Variants in EYS observed in about 807,000 individuals in gnomAD.
EYS encodes protein eyes shut homolog.
A neutral mutation model predicts 282.1 loss-of-function variants in EYS; 250 were observed. That is an observed-to-expected ratio of 0.89 (90% CI 0.80 to 0.98). The LOEUF is 0.98. EYS is among the 50% of genes least tolerant of loss of function. The probability of loss-of-function intolerance (pLI) is 0.00; values close to 1 mark genes in which losing one functional copy is unlikely to be tolerated. For missense variants in EYS, 4,016 were observed against 3,709.0 expected (o/e 1.08, Z -2.15); for synonymous variants, 1,355 against 1,282.9 (o/e 1.06, Z -1.20).
intron 1 of EYS, among the ~76,000 whole-genome samples, chr6:65,687,738 A>G (rs940621999): frequency 2.0e-5 from 3 of 152,184 alleles, no homozygotes; most frequent in Non-Finnish European, 2.9e-5. Context: ...GCAAAGTCTC[A>G]GGATACAAAA....
chr6:64,599,362 G>C (rs1766691718), intron 24 of EYS, among the ~76,000 whole-genome samples: 1 of 152,166 alleles, frequency 6.6e-6, no homozygotes, highest in Admixed American at 6.5e-5. Flanking sequence ...TTTGTATTCA[G>C]GGTATACGTG....
At chr6:65,317,895 T>C (rs1255816491) in intron 11 of EYS, among the ~76,000 whole-genome samples, 2 of 136,186 alleles carry the variant, frequency 1.5e-5, no homozygotes, top group African/African-American at 2.9e-5. Flanking sequence ...TCAGACAGAG[T>C]CTCCCTCTGT....
At chr6:65,330,483 G>T in intron 11 of EYS, 1 of 984,160 alleles carries the variant, frequency 1.0e-6, no homozygotes, top group Non-Finnish European at 1.2e-6. Context: ...TTAGTCTTTG[G>T]CTCATTAAAC....
intron 13 of EYS, 61 bp downstream of exon 13, chr6:65,057,553 G>T: frequency 1.0e-6 from 1 of 997,226 alleles, no homozygotes; most frequent in Non-Finnish European, 1.6e-6. Context: ...TCAGACAAGA[G>T]ACAGAAGTGC....
intron 31 of EYS, among the ~76,000 whole-genome samples, chr6:64,132,218 G>A (rs1341442670): frequency 6.6e-6 from 1 of 151,858 alleles, no homozygotes; most frequent in African/African-American, 2.4e-5. Context: ...AGGTATAAAA[G>A]GTTATATACA....
intron 34 of EYS, among the ~76,000 whole-genome samples, chr6:63,988,907 C>G (rs1767489284): frequency 6.6e-6 from 1 of 151,388 alleles, no homozygotes; most frequent in African/African-American, 2.4e-5. Context: ...AGAAAATAGG[C>G]AAAGGGGAAG....
intron 8 of EYS, among the ~76,000 whole-genome samples, chr6:65,379,597 A>T (rs772150246): frequency 3.3e-5 from 5 of 151,900 alleles, no homozygotes; most frequent in Non-Finnish European, 7.4e-5. Context: ...GTTCAACATA[A>T]TGTTGGAAGT....
At chr6:65,217,510 C>T (rs1011873260) in intron 12 of EYS, among the ~76,000 whole-genome samples, 3 of 152,000 alleles carry the variant, frequency 2.0e-5, no homozygotes, top group African/African-American at 4.8e-5. Context: ...TCTAGTTGCT[C>T]ATTTTTAGGG....
chr6:64,388,485 A>G (rs1414099832), intron 29 of EYS, among the ~76,000 whole-genome samples: 2 of 152,176 alleles, frequency 1.3e-5, no homozygotes, highest in Non-Finnish European at 2.9e-5. Context: ...AATTTTTTAA[A>G]AAGAACAGTA....
chr6:64,775,241 A>G lies in EYS; in HGVS notation c.3443+38137T>C, dbSNP rs192269717. On this transcript the variant is annotated intron_variant, in intron 22 of 42. Transcript: ENST00000503581. ...ATTGCCACCTTGAGTAACTCCTCTA[A>G]ACCAAATAGACTTCTGCTCATCCTT... is the stretch of plus-strand genomic sequence containing the variant. 2.6e-3 allele frequency among the ~76,000 whole-genome samples: 398 copies of G among 152,076 alleles called. 4 individuals are homozygous for G. The highest frequency in any genetic ancestry group is 1.9e-3 in the South Asian group (9 of 4,816).
intron 22 of EYS, among the ~76,000 whole-genome samples, chr6:64,659,278 A>G (rs1768894659): frequency 6.6e-6 from 1 of 152,212 alleles, no homozygotes. Context: ...CCACAAGAGA[A>G]AGCAGGAAAG....
At chr6:64,523,128 C>T (rs1425223999) in intron 26 of EYS, among the ~76,000 whole-genome samples, 1 of 151,444 alleles carries the variant, frequency 6.6e-6, no homozygotes, top group East Asian at 1.9e-4. Flanking sequence ...CAACTAAATC[C>T]TCTTGGCATG....
chr6:65,169,492 C>T (rs541237729), intron 12 of EYS, among the ~76,000 whole-genome samples: 2 of 151,460 alleles, frequency 1.3e-5, no homozygotes, highest in Non-Finnish European at 3.0e-5. Context: ...TATCAGAAAA[C>T]ACAGTATAAC....
chr6:64,152,460 C>T, intron 31 of EYS, among the ~76,000 whole-genome samples: 1 of 152,106 alleles, frequency 6.6e-6, no homozygotes, highest in East Asian at 1.9e-4. Flanking sequence ...GATTTTAGTG[C>T]TCTCAGGCAT....
intron 26 of EYS, among the ~76,000 whole-genome samples, chr6:64,443,369 T>A (rs926499584): frequency 2.0e-5 from 3 of 152,200 alleles, no homozygotes; most frequent in Admixed American, 6.5e-5. Context: ...GGGGAGGGAC[T>A]TGCCTTGTCT....
chr6:64,909,555 T>C (rs1767928903), intron 16 of EYS, among the ~76,000 whole-genome samples: 1 of 152,114 alleles, frequency 6.6e-6, no homozygotes, highest in Non-Finnish European at 1.5e-5. Context: ...ATTATTACTG[T>C]CACATGCTCT....
chr6:64,969,703 C>T (rs1181516485), intron 14 of EYS, among the ~76,000 whole-genome samples: 1 of 152,064 alleles, frequency 6.6e-6, no homozygotes, highest in East Asian at 1.9e-4. Context: ...AGGATTTAAT[C>T]CCACATAGCT....
intron 19 of EYS, among the ~76,000 whole-genome samples, chr6:64,861,041 A>G (rs1766219759): frequency 6.6e-6 from 1 of 152,192 alleles, no homozygotes; most frequent in East Asian, 1.9e-4. Flanking sequence ...CCCAGACCCC[A>G]GGCTTCAGGC....
At chr6:64,150,321 A>G (rs1327487178) in intron 31 of EYS, among the ~76,000 whole-genome samples, 2 of 152,212 alleles carry the variant, frequency 1.3e-5, no homozygotes, top group Non-Finnish European at 2.9e-5. Flanking sequence ...GCCTTAATGC[A>G]GGTAGCAGAT....
Sources: allele counts gnomAD v4.1 joint callset (sites outside exome capture counted in the v4.1 genomes callset), GRCh38; gene constraint gnomAD v4.1.1; transcripts MANE v1.5; gene names NCBI Gene and HGNC (gene_info 2026-07-23, HGNC 2026-07-21).